NBAS: variants seen among roughly 807,000 people sequenced by gnomAD.
NBAS encodes the protein NAG/BC035112 fusion.
NBAS carries 219 observed loss-of-function variants against 302.5 expected under a neutral mutation model. The observed-to-expected ratio is 0.72, with a 90% confidence interval of 0.65 to 0.81. The LOEUF is 0.81. Among genes scored for constraint, NBAS ranks in the 30% least tolerant of loss-of-function variants. The pLI, the probability that NBAS is intolerant of heterozygous loss-of-function variation, is 0.00. For synonymous variants in NBAS, 1,118 were observed against 1,021.6 expected, an observed-to-expected ratio of 1.09 and a Z score of -1.80; for missense variants, 2,932 against 2,841.6, an observed-to-expected ratio of 1.03 and a Z score of -0.72.
the NBAS span, among the ~76,000 whole-genome samples, chr2:14,889,967 A>G: frequency 6.6e-6 from 1 of 152,254 alleles, no homozygotes; most frequent in Non-Finnish European, 1.5e-5. Flanking sequence ...ATGTGGATGT[A>G]TGTGTGGGAT....
chr2:14,960,998 C>T, the NBAS span, among the ~76,000 whole-genome samples: 1 of 152,136 alleles, frequency 6.6e-6, no homozygotes, highest in African/African-American at 2.4e-5. Flanking sequence ...GCTCAAAGAT[C>T]TCTGTGAGGC....
intron 44 of NBAS, among the ~76,000 whole-genome samples, chr2:15,258,623 C>T (rs143284746): frequency 2.0e-5 from 3 of 152,122 alleles, no homozygotes; most frequent in African/African-American, 2.4e-5. Flanking sequence ...CTTAGGCTTA[C>T]TAGGATTGGG....
At chr2:15,494,668 A>G (rs927418767) in intron 11 of NBAS, among the ~76,000 whole-genome samples, 6 of 152,162 alleles carry the variant, frequency 3.9e-5, no homozygotes, top group Non-Finnish European at 8.8e-5. Context: ...ACATTATATA[A>G]ATGCTAGAAT....
At chr2:14,838,308 T>A in the NBAS span, among the ~76,000 whole-genome samples, 1 of 152,024 alleles carries the variant, frequency 6.6e-6, no homozygotes, top group Admixed American at 6.6e-5. Flanking sequence ...GCTATACTTT[T>A]CATATCACTA....
the NBAS span, among the ~76,000 whole-genome samples, chr2:14,810,644 G>A: frequency 6.6e-6 from 1 of 152,176 alleles, no homozygotes; most frequent in African/African-American, 2.4e-5. Flanking sequence ...TAGGTTAGTT[G>A]TACTATTAGG....
Position 15,308,433 on chromosome 2 carries a change from T to C in NBAS, c.4660-80A>G, listed in dbSNP as rs1671127482. 6.5e-6 allele frequency: 10 copies of C among 1,536,248 alleles called. No homozygotes were observed. The South Asian group carries it at 1.2e-4, about 18-fold the overall frequency. ...TATAAACCATTATATTTCTAGTCAT[T>C]CCTGCAGATTTTTTGTACAAAGTTC... is the stretch of plus-strand genomic sequence containing the variant. On this transcript the variant is annotated intron_variant, in intron 39 of 51. Transcript: ENST00000281513.
At chr2:14,918,033 C>T in the NBAS span, among the ~76,000 whole-genome samples, 129 of 152,212 alleles carry the variant, frequency 8.5e-4, no homozygotes, top group African/African-American at 3.0e-3. Context: ...AAGTTCCAGC[C>T]CCTTCCTTCT....
At chr2:14,928,103 G>C in the NBAS span, among the ~76,000 whole-genome samples, 1 of 152,154 alleles carries the variant, frequency 6.6e-6, no homozygotes, top group Non-Finnish European at 1.5e-5. Context: ...TTTTGTAAGT[G>C]GTTAGCATCT....
chr2:15,385,121 CT>C (rs1259738139), intron 28 of NBAS, among the ~76,000 whole-genome samples: 3 of 152,162 alleles, frequency 2.0e-5, no homozygotes, highest in East Asian at 1.9e-4. Flanking sequence ...TAAGAGAACA[CT>C]TTTTTTCTTC....
At chr2:14,842,307 G>A in the NBAS span, among the ~76,000 whole-genome samples, 5 of 151,812 alleles carry the variant, frequency 3.3e-5, no homozygotes, top group African/African-American at 9.7e-5. Context: ...AAAATTTTTA[G>A]AGGAAAGTAA....
At chr2:15,145,436 T>G in the NBAS span, among the ~76,000 whole-genome samples, 1 of 151,178 alleles carries the variant, frequency 6.6e-6, no homozygotes, top group Non-Finnish European at 1.5e-5. Flanking sequence ...TGTGTGTGTC[T>G]TCATGCCTAG....
chr2:14,844,204 C>T, the NBAS span, among the ~76,000 whole-genome samples: 1 of 152,160 alleles, frequency 6.6e-6, no homozygotes, highest in Non-Finnish European at 1.5e-5. Flanking sequence ...ATCTTGGAAA[C>T]CAGCTCAGCC....
intron 26 of NBAS, among the ~76,000 whole-genome samples, chr2:15,399,137 G>A (rs1160711254): frequency 1.3e-5 from 2 of 152,130 alleles, no homozygotes; most frequent in Non-Finnish European, 2.9e-5. Flanking sequence ...TGATATTTAT[G>A]CTATTTGACC....
the NBAS span, among the ~76,000 whole-genome samples, chr2:14,856,933 T>G: frequency 6.6e-5 from 10 of 152,120 alleles, no homozygotes. Flanking sequence ...ACCTAAAGAC[T>G]TCACAAGAAA....
chr2:15,052,047 C>A, the NBAS span, among the ~76,000 whole-genome samples: 1 of 152,188 alleles, frequency 6.6e-6, no homozygotes, highest in Non-Finnish European at 1.5e-5. Context: ...CATCTACCTT[C>A]TTGACTATGA....
the NBAS span, among the ~76,000 whole-genome samples, chr2:15,153,089 G>C: frequency 6.6e-6 from 1 of 152,086 alleles, no homozygotes; most frequent in Non-Finnish European, 1.5e-5. Context: ...ACCCCTCCAA[G>C]TCAGAAAAAT....
intron 9 of NBAS, among the ~76,000 whole-genome samples, chr2:15,528,260 T>C (rs974502204): frequency 6.6e-6 from 1 of 151,990 alleles, no homozygotes; most frequent in Non-Finnish European, 1.5e-5. Flanking sequence ...TTCAAGCAAG[T>C]AGTAGCTCCT....
At chr2:15,382,748 G>T (rs897634962) in intron 29 of NBAS, among the ~76,000 whole-genome samples, 1 of 152,106 alleles carries the variant, frequency 6.6e-6, no homozygotes, top group Admixed American at 6.6e-5. Context: ...TTTGATTATT[G>T]ATATGGAACA....
chr2:15,139,535 C>T, the NBAS span, among the ~76,000 whole-genome samples: 2 of 151,494 alleles, frequency 1.3e-5, no homozygotes, highest in African/African-American at 4.9e-5. Context: ...TGTGTGTGTG[C>T]AAGTGTATAC....
Sources: gnomAD v4.1 joint callset for allele counts (sites outside exome capture counted in the v4.1 genomes callset) on GRCh38, gnomAD v4.1.1 for gene constraint, MANE v1.5 for transcripts, NCBI Gene and HGNC (gene_info 2026-07-23, HGNC 2026-07-21) for gene names.